IKZF4: variants seen among roughly 807,000 people sequenced by gnomAD.
The protein encoded by IKZF4 is zinc finger protein Eos.
IKZF4 carries 11 observed loss-of-function variants against 47.7 expected under a neutral mutation model. That is an observed-to-expected ratio of 0.23 (90% CI 0.15 to 0.38). The LOEUF (loss-of-function observed/expected upper bound fraction) is 0.38. IKZF4 is among the 10% of genes least tolerant of loss of function. The pLI is 1.00. For synonymous variants in IKZF4, 298 were observed against 299.4 expected, an observed-to-expected ratio of 1.00 and a Z score of 0.05; for missense variants, 557 against 784.9, an observed-to-expected ratio of 0.71 and a Z score of 3.47.
intron 3 of IKZF4, 65 bp from the exon 4 acceptor site, chr12:56,026,716 A>G: frequency 7.8e-7 from 1 of 1,284,446 alleles, no homozygotes; most frequent in Non-Finnish European, 1.0e-6. Context: ...AAAGAGTGCC[A>G]TTCTGGCCTG....
At chr12:56,014,654 G>A (rs990369358) in intron 2 of IKZF4, among the ~76,000 whole-genome samples, 3 of 152,146 alleles carry the variant, frequency 2.0e-5, no homozygotes, top group East Asian at 1.9e-4. Context: ...GGAAAAAGCC[G>A]AGTGTGGTGG....
intron 2 of IKZF4, among the ~76,000 whole-genome samples, chr12:56,024,246 C>G (rs561218806): frequency 6.6e-6 from 1 of 152,076 alleles, no homozygotes; most frequent in Non-Finnish European, 1.5e-5. Context: ...ATAGTAAACA[C>G]GTGATTGGAA....
At chr12:56,018,103 G>A (rs754337507), upstream of IKZF4, 1 of 1,281,242 alleles carries the variant, frequency 7.8e-7, no homozygotes, top group Non-Finnish European at 1.0e-6. Context: ...TCTTCTAATA[G>A]CAGCTATTTT....
chr12:56,021,761 T>C (rs1223556299), intron 1 of IKZF4, 181 bp downstream of exon 1: 4 of 907,928 alleles, frequency 4.4e-6, no homozygotes, highest in Non-Finnish European at 4.9e-6. Flanking sequence ...CTCCTTATAC[T>C]TGCGGAGGAT....
At chr12:56,021,961 C>G (rs942798383) in intron 1 of IKZF4, 7 of 247,088 alleles carry the variant, frequency 2.8e-5, no homozygotes, top group African/African-American at 1.4e-4. Flanking sequence ...GCAGATGCCT[C>G]AGCCTGGAAC....
At chr12:56,024,996 A>C in intron 2 of IKZF4, 58 bp from the exon 3 acceptor site, 13 of 1,551,922 alleles carry the variant, frequency 8.4e-6, no homozygotes, top group Non-Finnish European at 1.1e-5. Context: ...AGATTAGGCA[A>C]TGGACAGTAG....
At chr12:56,017,551 C>T (rs1385975634), upstream of IKZF4, among the ~76,000 whole-genome samples, 4 of 152,078 alleles carry the variant, frequency 2.6e-5, no homozygotes, top group Admixed American at 2.6e-4. Context: ...CCTACATACA[C>T]GGTCTAATCT....
chr12:56,033,523 C>T (rs1463110274), intron 7 of IKZF4, among the ~76,000 whole-genome samples: 2 of 152,042 alleles, frequency 1.3e-5, no homozygotes, highest in African/African-American at 4.8e-5. Flanking sequence ...CCGGTTAACA[C>T]AGTGAAACCC....
At chr12:56,024,704 G>A (rs1181958991) in intron 2 of IKZF4, 1 of 1,136,812 alleles carries the variant, frequency 8.8e-7, no homozygotes, top group African/African-American at 1.6e-5. Context: ...CAGTAGGGAA[G>A]AATGTCTGTC....
Position 56,035,411 on chromosome 12 carries a change from G to T in IKZF4, c.*80G>T. ...GATCCCTGTCCCCACCATTTCCCAA[G>T]GAGTTTTGCTTTGTAGCCCTCACTA... is the stretch of plus-strand genomic sequence containing the variant. On this transcript the variant is annotated 3_prime_UTR_variant, in exon 8 of 8. Transcript: ENST00000547167. The surrounding 1 kb of genome is among the most constrained non-coding windows in gnomAD (Gnocchi z 6.1). The T allele has an allele frequency of 6.7e-7, 1 of 1,502,034 alleles. No homozygotes were observed. The highest frequency in any genetic ancestry group is 9.0e-7 in the Non-Finnish European group (1 of 1,114,574). 93.0% of individuals were successfully genotyped at this position (1,502,034 alleles called of 1,614,324 possible).
intron 5 of IKZF4, among the ~76,000 whole-genome samples, chr12:56,030,289 G>GCAAAAACAAAAAC (rs1894712074): frequency 6.6e-6 from 1 of 151,974 alleles, no homozygotes; most frequent in Admixed American, 6.6e-5. Flanking sequence ...CAAAAACTAG[G>GCAAAAACAAAAAC]TGTGGTGGCA....
upstream of IKZF4, chr12:56,007,546 A>ACCG (rs1236331304): frequency 6.4e-6 from 1 of 157,190 alleles, no homozygotes; most frequent in East Asian, 1.9e-4. Context: ...AGCCGCCGCC[A>ACCG]CCGCCGCCTC....
At chr12:56,028,746 T>C (rs1256885113) in intron 5 of IKZF4, among the ~76,000 whole-genome samples, 2 of 151,886 alleles carry the variant, frequency 1.3e-5, no homozygotes, top group Non-Finnish European at 2.9e-5. Flanking sequence ...AGCTAATTTT[T>C]CTATTTTTTT....
chr12:56,026,846 C>A lies in IKZF4; in HGVS notation c.352C>A (p.Arg118=). Residue 118 remains arginine, a synonymous_variant, in exon 4 of 8, where the codon CGG becomes AGG. Transcript: ENST00000547167. ...AAGCAGACTGCTGGGGCCAGATGAG[C>A]GGCTCCTGGAAAAGGACGACAGCGT... ...ESSRLLGPDE[R]LLEKDDSVIV... 6.2e-7 allele frequency: 1 copy of A among 1,611,714 alleles called. No individual in the cohort carries two copies. The highest frequency in any genetic ancestry group is 1.1e-5 in the South Asian group (1 of 90,504).
At chr12:56,026,335 T>C (rs1342761530) in intron 3 of IKZF4, among the ~76,000 whole-genome samples, 1 of 151,764 alleles carries the variant, frequency 6.6e-6, no homozygotes, top group Admixed American at 6.6e-5. Context: ...GATACTAGGG[T>C]GTTAGTTCCA....
At position 56,034,756 on chromosome 12, in the gene IKZF4, C is replaced by T. The variant is rs760301697; in HGVS notation, c.1183C>T (p.Leu395Phe). Residue 395 changes from leucine to phenylalanine, a missense_variant, in exon 8 of 8, where the codon CTC becomes TTC. Leu to Phe is a conservative substitution (Grantham distance 22). This residue lies in a region of IKZF4 where 280 missense variants were observed against 314.0 expected (regional missense o/e 0.89). Coordinates refer to ENST00000547167, the MANE Select transcript of IKZF4 (RefSeq NM_022465.4). ...TCCACCCACCAATTGCATCTCAGAA[C>T]TCACGCCTGTCATCAGCTCTGTCTA... ...RLPPTNCISE[L>F]TPVISSVYTQ... 10 of 1,613,938 alleles carry T rather than the reference C, an allele frequency of 6.2e-6. No individual in the cohort carries two copies. The South Asian group carries it at 9.9e-5, about 16-fold the overall frequency.
In IKZF4 at chr12:56,033,314, G is replaced by A. The variant is rs747300809; in HGVS notation, c.990G>A (p.Lys330=). The A allele has an allele frequency of 1.2e-6, 2 of 1,614,010 alleles. No homozygotes were observed. Among genetic ancestry groups the A allele is most frequent in the South Asian group, 1.1e-5 (1 of 91,086 alleles). ...AACGCAAGCGTTCCACACCCCAGAA[G>A]TTTGTAGGTAAGAATCCAGTTGGAA... ...LTKRKRSTPQ[K]FVGEKQMRFS... The change falls in exon 7 of 8, where the codon AAG becomes AAA. Residue 330 remains lysine (K), a synonymous_variant. Coordinates refer to ENST00000547167, the MANE Select transcript of IKZF4 (RefSeq NM_022465.4).
chr12:56,023,536 C>T (rs1893431038), intron 1 of IKZF4, 135 bp from the exon 2 acceptor site: 2 of 1,090,300 alleles, frequency 1.8e-6, no homozygotes, highest in Non-Finnish European at 1.3e-6. Context: ...AGCCATAAGG[C>T]TTTTTCTATA....
intron 5 of IKZF4, among the ~76,000 whole-genome samples, chr12:56,028,923 T>C (rs1033684047): frequency 6.6e-6 from 1 of 152,118 alleles, no homozygotes; most frequent in Non-Finnish European, 1.5e-5. Context: ...CCACAATCCA[T>C]GCCCTATTAC....
Sources: allele counts gnomAD v4.1 joint callset (sites outside exome capture counted in the v4.1 genomes callset), GRCh38; gene constraint gnomAD v4.1.1; regional missense constraint gnomAD v4.1.1; non-coding constraint Gnocchi (gnomAD v3.1); transcripts MANE v1.5; gene names NCBI Gene and HGNC (gene_info 2026-07-23, HGNC 2026-07-21).